Variants in POLR3E observed in about 807,000 individuals in gnomAD.
POLR3E encodes RNA polymerase III subunit E.
A neutral mutation model predicts 96.6 loss-of-function variants in POLR3E; 41 were observed. That is an observed-to-expected ratio of 0.42 (90% CI 0.33 to 0.55). The LOEUF (loss-of-function observed/expected upper bound fraction) is 0.55. POLR3E is among the 20% of genes least tolerant of loss of function. The pLI, the probability that POLR3E is intolerant of heterozygous loss-of-function variation, is 0.06. For missense variants in POLR3E, 849 were observed against 952.1 expected (o/e 0.89, Z 1.43); for synonymous variants, 396 against 383.6 (o/e 1.03, Z -0.38).
At chr16:22,317,519 CTTTG>C (rs1299586525) in intron 12 of POLR3E, among the ~76,000 whole-genome samples, 2 of 152,158 alleles carry the variant, frequency 1.3e-5, no homozygotes, top group Non-Finnish European at 2.9e-5. Flanking sequence ...CTTTCTGAGG[CTTTG>C]TTTGTTTTTC....
chr16:22,305,287 G>A (rs1300649621), intron 3 of POLR3E, 81 bp downstream of exon 3: 21 of 1,011,226 alleles, frequency 2.1e-5, no homozygotes, highest in Admixed American at 8.4e-5. Flanking sequence ...GGCAGGAAAC[G>A]ATGGGAAACC....
intron 1 of POLR3E, among the ~76,000 whole-genome samples, chr16:22,298,279 A>C (rs537624566): frequency 2.6e-5 from 4 of 152,314 alleles, no homozygotes; most frequent in Admixed American, 6.5e-5. Context: ...TTCCTACCTC[A>C]TAGGGTTGTG....
intron 17 of POLR3E, 24 bp downstream of exon 17, chr16:22,325,290 G>A: frequency 1.3e-6 from 2 of 1,595,042 alleles, no homozygotes; most frequent in Non-Finnish European, 1.7e-6. Context: ...TTTGGGCTGG[G>A]AGGCCCCGGC....
chr16:22,307,122 C>T (rs2048149732), intron 3 of POLR3E, among the ~76,000 whole-genome samples: 1 of 152,206 alleles, frequency 6.6e-6, no homozygotes, highest in African/African-American at 2.4e-5. Flanking sequence ...TCCGTGCTCA[C>T]AGCGGCCTTG....
intron 1 of POLR3E, among the ~76,000 whole-genome samples, chr16:22,298,516 C>CCAGA (rs2047947249): frequency 6.6e-6 from 1 of 152,174 alleles, no homozygotes; most frequent in African/African-American, 2.4e-5. Context: ...AATACCAAAC[C>CCAGA]CAGACAACTC....
chr16:22,324,829 G>C (rs942221551), intron 16 of POLR3E, among the ~76,000 whole-genome samples, 169 bp downstream of exon 16: 1 of 152,188 alleles, frequency 6.6e-6, no homozygotes, highest in Admixed American at 6.5e-5. Flanking sequence ...CAGGCCCCAC[G>C]CTCCTCACCC....
At chr16:22,328,276 C>G (rs2048652164) in intron 18 of POLR3E, 1 of 544,918 alleles carries the variant, frequency 1.8e-6, no homozygotes, top group African/African-American at 1.9e-5. Context: ...ATCACACTCC[C>G]CCTCTCGCTG....
chr16:22,332,100 G>C lies in POLR3E; in HGVS notation c.1985G>C (p.Arg662Pro). 6.2e-7 allele frequency: 1 copy of C among 1,613,630 alleles called. No homozygotes were observed. Among genetic ancestry groups the C allele is most frequent in the Non-Finnish European group, 8.5e-7 (1 of 1,179,630 alleles). ...CTTGAAATTTTTTCCAAAAATTACC[G>C]GGTACGCCGAAACATGATCCAGTCT... ...VLLEIFSKNY[R>P]VRRNMIQSRL... Residue 662 changes from arginine (R) to proline (P), a missense_variant, in exon 20 of 21, where the codon CGG (arginine) becomes CCG (proline). Coordinates refer to ENST00000299853, the MANE Select transcript of POLR3E (RefSeq NM_018119.4).
chr16:22,325,641 C>T (rs2048565641), intron 17 of POLR3E, 120 bp from the exon 18 acceptor site: 4 of 1,224,790 alleles, frequency 3.3e-6, no homozygotes, highest in Non-Finnish European at 4.4e-6. Context: ...GGCTGATTTT[C>T]GAGAAAGGTT....
rs1015679540 is a variant in POLR3E, at chr16:22,301,098, C to T, written c.-38-1833C>T. Among the ~76,000 whole-genome samples, 24 of 146,026 alleles carry T rather than the reference C, an allele frequency of 1.6e-4. 2 individuals are homozygous for T. Among genetic ancestry groups the T allele is most frequent in the Admixed American group, 1.5e-3 (21 of 14,078 alleles). The stretch of plus-strand genomic sequence containing the variant: ...TGATTTGGAGAGGGAAGGTCTTAGC[C>T]ACAAGGTGACATTTGAGCAAAAACC... On this transcript the variant is annotated intron_variant, in intron 1 of 20. Coordinates refer to ENST00000299853, the MANE Select transcript of POLR3E (RefSeq NM_018119.4).
chr16:22,321,966 C>G (rs753088538), intron 13 of POLR3E, among the ~76,000 whole-genome samples: 1 of 152,234 alleles, frequency 6.6e-6, no homozygotes, highest in Non-Finnish European at 1.5e-5. Flanking sequence ...GGACCGGGCT[C>G]TCATTCAGAC....
intron 19 of POLR3E, 139 bp from the exon 20 acceptor site, chr16:22,331,921 C>G: frequency 1.2e-6 from 1 of 802,328 alleles, no homozygotes; most frequent in South Asian, 1.7e-5. Context: ...CTTGGCTCAT[C>G]TTTAACCAGA....
At chr16:22,303,146 G>C in intron 2 of POLR3E, 142 bp downstream of exon 2, 1 of 803,476 alleles carries the variant, frequency 1.2e-6, no homozygotes, top group Non-Finnish European at 2.2e-6. Context: ...GGTCCCCTCT[G>C]CTGTCCCCCA....
intron 5 of POLR3E, 58 bp downstream of exon 5, chr16:22,309,098 A>G: frequency 8.4e-7 from 1 of 1,185,694 alleles, no homozygotes; most frequent in Non-Finnish European, 1.2e-6. Context: ...GAGCCTCCAA[A>G]AGACCTTAAA....
At position 22,313,983 on chromosome 16, in the gene POLR3E, C is replaced by G; in HGVS notation, c.473-96C>G. ...CAGCTCCCTCTGCGAGGAGAACTCC[C>G]AGCACCCCGGCCTGAGGCTTCCCTG... On this transcript the variant is annotated intron_variant, in intron 7 of 20. Coordinates refer to ENST00000299853, the MANE Select transcript of POLR3E (RefSeq NM_018119.4). The surrounding 1 kb of genome is among the most constrained non-coding windows in gnomAD (Gnocchi z 4.1). 4.5e-6 allele frequency: 5 copies of G among 1,113,492 alleles called. No individual in the cohort carries two copies. The highest frequency in any genetic ancestry group is 6.8e-6 in the Non-Finnish European group (5 of 730,556). The allele number at this position is 1,113,492 out of a possible 1,614,324, so 69.0% of individuals were successfully genotyped here.
At chr16:22,308,284 T>A in intron 4 of POLR3E, 59 bp downstream of exon 4, 1 of 1,335,306 alleles carries the variant, frequency 7.5e-7, no homozygotes, top group Non-Finnish European at 1.1e-6. Context: ...GGGTGGGAGC[T>A]GGTGGAGGCG....
chr16:22,303,066 A>G, intron 2 of POLR3E, 62 bp downstream of exon 2: 1 of 1,449,782 alleles, frequency 6.9e-7, no homozygotes, highest in Non-Finnish European at 9.7e-7. Context: ...GGTCCTTTCC[A>G]TGTGTCCTCA....
chr16:22,297,733 C>A (rs991219571), intron 1 of POLR3E, among the ~76,000 whole-genome samples, 196 bp downstream of exon 1: 4 of 152,240 alleles, frequency 2.6e-5, no homozygotes, highest in Non-Finnish European at 4.4e-5. Flanking sequence ...CTTCCTTGAC[C>A]TGACACCTGG....
chr16:22,328,576 A>AT lies in POLR3E; in HGVS notation c.1934dup (p.Met645IlefsTer3). 2 of 1,613,774 alleles carry AT rather than the reference A, an allele frequency of 1.2e-6. No individual in the cohort carries two copies. Among genetic ancestry groups the AT allele is most frequent in the Non-Finnish European group, 8.5e-7 (1 of 1,179,714 alleles). On this transcript the variant is annotated frameshift_variant, in exon 19 of 21. Coordinates refer to ENST00000299853, the MANE Select transcript of POLR3E (RefSeq NM_018119.4). LOFTEE classifies it high-confidence loss of function. ...GTTTGCCCTCTGGGAGTCTGGAGAC[A>AT]TGAGTGATCAGGTGAGGTGAACTTT...
Sources: allele counts gnomAD v4.1 joint callset (sites outside exome capture counted in the v4.1 genomes callset), GRCh38; gene constraint gnomAD v4.1.1; non-coding constraint Gnocchi (gnomAD v3.1); transcripts MANE v1.5; gene names NCBI Gene and HGNC (gene_info 2026-07-23, HGNC 2026-07-21).